Variants in GRIK5 observed in about 807,000 individuals in gnomAD.
GRIK5 encodes glutamate ionotropic receptor kainate type subunit 5.
GRIK5 carries 43 observed loss-of-function variants against 97.4 expected under a neutral mutation model. The ratio of observed to expected loss-of-function variants is 0.44; its 90% CI spans 0.35 to 0.57. GRIK5 has a LOEUF of 0.57. Ranked by LOEUF, GRIK5 falls within the 20% of genes least tolerant of loss-of-function variation. The pLI, the probability that GRIK5 is intolerant of heterozygous loss-of-function variation, is 0.01. For synonymous variants in GRIK5, 580 were observed against 583.5 expected, an observed-to-expected ratio of 0.99 and a Z score of 0.09; for missense variants, 1,015 against 1,382.0, an observed-to-expected ratio of 0.73 and a Z score of 4.21.
rs2076393406 is a variant in GRIK5, at chr19:42,069,492, G to C, written c.-302C>G. The C allele has an allele frequency of 6.6e-6, 1 of 150,508 alleles. No individual in the cohort carries two copies. The highest frequency in any genetic ancestry group is 2.5e-5 in the African/African-American group (1 of 40,728). The allele number at this position is 150,508 out of a possible 1,614,324, so 9.3% of individuals were successfully genotyped here. ...AGGGGAAAGGAGAAAATGGAGGAGA[G>C]AAGGGGAGAGAGGAGAGGGGGAAGG... On this transcript the variant is annotated 5_prime_UTR_variant, in exon 1 of 20. Transcript: ENST00000593562.
At chr19:42,043,089 G>A (rs144539356) in intron 11 of GRIK5, among the ~76,000 whole-genome samples, 6 of 152,262 alleles carry the variant, frequency 3.9e-5, no homozygotes, top group East Asian at 3.9e-4. Context: ...TGCCAAAGTG[G>A]ATCAGGGGCT....
intron 15 of GRIK5, among the ~76,000 whole-genome samples, chr19:42,012,435 G>C (rs1568886773): frequency 6.6e-6 from 1 of 152,072 alleles, no homozygotes; most frequent in Non-Finnish European, 1.5e-5. Context: ...TATTTTAGTA[G>C]AGATGGGGTT....
chr19:42,003,182 G>T lies in GRIK5; in HGVS notation c.2514+150C>A, dbSNP rs1568877991. 1.5e-6 allele frequency: 1 copy of T among 685,744 alleles called. No individual in the cohort carries two copies. The highest frequency in any genetic ancestry group is 2.5e-6 in the Non-Finnish European group (1 of 402,824). The allele number at this position is 685,744 out of a possible 1,614,324, so 42.5% of individuals were successfully genotyped here. On this transcript the variant is annotated intron_variant, in intron 19 of 19. Transcript: ENST00000593562. This position sits in a 1 kb window ranked among gnomAD's most constrained non-coding sequence, Gnocchi z 4.2. ...ACGCGCTGATTCTCTGGCCCCATCA[G>T]CTCTCTTACTTCCCCACCTCCTGCA... is the stretch of plus-strand genomic sequence containing the variant.
At chr19:42,068,192 C>T (rs905465031) in intron 1 of GRIK5, among the ~76,000 whole-genome samples, 1 of 151,944 alleles carries the variant, frequency 6.6e-6, no homozygotes, top group African/African-American at 2.4e-5. Context: ...GGGAGGGAAA[C>T]TGAGGTGGGG....
chr19:42,034,819 C>T (rs186870105), intron 12 of GRIK5, among the ~76,000 whole-genome samples: 7 of 146,346 alleles, frequency 4.8e-5, no homozygotes, highest in African/African-American at 1.8e-4. Flanking sequence ...ATATATCATA[C>T]GCTGTCAGTT....
rs749204366 is a variant in GRIK5, at chr19:42,065,792, A to G, written c.-22T>C. On this transcript the variant is annotated 5_prime_UTR_variant, in exon 2 of 20. Transcript: ENST00000593562. This position sits in a 1 kb window ranked among gnomAD's most constrained non-coding sequence, Gnocchi z 5.8. Reference sequence around the variant, plus strand: ...GCATCTTCCTCCCCTCCTCATGGGGACGCAGCTGCCGCGGCCCCCACTCGC... The same window carrying G: ...GCATCTTCCTCCCCTCCTCATGGGGGCGCAGCTGCCGCGGCCCCCACTCGC... 1 of 1,549,840 alleles carries G rather than the reference A, an allele frequency of 6.5e-7. No homozygotes were observed. Among genetic ancestry groups the G allele is most frequent in the South Asian group, 1.2e-5 (1 of 84,606 alleles).
chr19:42,065,884 C>T lies in GRIK5; in HGVS notation c.-50-64G>A. On this transcript the variant is annotated intron_variant, in intron 1 of 19. Coordinates refer to ENST00000593562, the MANE Select transcript of GRIK5 (RefSeq NM_002088.5). This position sits in a 1 kb window ranked among gnomAD's most constrained non-coding sequence, Gnocchi z 5.8. ...GTGGTGGGATGGAACCCCTTGGAGGCCTGCTGGATGGGGTGGTCACAGAAG... is the reference window on the plus strand; with the variant it reads ...GTGGTGGGATGGAACCCCTTGGAGGTCTGCTGGATGGGGTGGTCACAGAAG... The T allele has an allele frequency of 3.7e-6, 3 of 815,226 alleles. No homozygotes were observed. The highest frequency in any genetic ancestry group is 3.1e-5 in the South Asian group (2 of 63,912). The allele number at this position is 815,226 out of a possible 1,614,324, so 50.5% of individuals were successfully genotyped here.
chr19:42,044,531 T>TA (rs2076019576), intron 11 of GRIK5, among the ~76,000 whole-genome samples: 1 of 152,212 alleles, frequency 6.6e-6, no homozygotes, highest in South Asian at 2.1e-4. Flanking sequence ...GTGATGATGG[T>TA]AACAAATGGG....
At chr19:42,068,811 C>T in intron 1 of GRIK5, 2 of 616,806 alleles carry the variant, frequency 3.2e-6, no homozygotes, top group Non-Finnish European at 5.9e-6. Context: ...AGCGGAAAGA[C>T]ATATCCAGGA....
intron 11 of GRIK5, among the ~76,000 whole-genome samples, chr19:42,045,601 C>T (rs2076033719): frequency 6.6e-6 from 1 of 152,180 alleles, no homozygotes; most frequent in African/African-American, 2.4e-5. Flanking sequence ...AGGCTCTGGA[C>T]TCCAGGACCC....
In GRIK5 at chr19:41,998,967, C is replaced by A; in HGVS notation, c.2847G>T (p.Ala949=). 8.6e-7 allele frequency: 1 copy of A among 1,157,868 alleles called. No homozygotes were observed. The allele number at this position is 1,157,868 out of a possible 1,614,324, so 71.7% of individuals were successfully genotyped here. A position where few individuals can be genotyped will look rare whatever the true frequency, so the allele number is the denominator to read the frequency against. ...CGGGGACGCCCAGGCCACGCGGAGG[C>A]GCGCCGGCCCCCGAGGCCCGCAGCG... ...IQALRASGAG[A]PPRGLGVPAE... Residue 949 remains alanine (A), a synonymous_variant, in exon 20 of 20, where the codon GCG becomes GCT. Transcript: ENST00000593562.
chr19:42,021,463 T>G lies in GRIK5; in HGVS notation c.1709A>C (p.Tyr570Ser), dbSNP rs748586765. ...GCATGGGTGTGGGTTATACCACTCA[T>G]AGGGGCTCAGCCTGTGGAGAGACGT... is the stretch of plus-strand genomic sequence containing the variant. The part of the protein sequence containing the change: ...VLFLAARLSP[Y>S]EWYNPHPCLR... Residue 570 changes from tyrosine (Y) to serine (S), a missense_variant, in exon 15 of 20, where the codon TAT becomes TCT. Tyr to Ser is a moderately radical substitution (Grantham distance 144, BLOSUM62 -2). This residue lies in a region of GRIK5 where 477 missense variants were observed against 701.1 expected (regional missense o/e 0.68). Transcript: ENST00000593562. This position sits in a 1 kb window ranked among gnomAD's most constrained non-coding sequence, Gnocchi z 4.2. The G allele has an allele frequency of 1.9e-6, 3 of 1,574,492 alleles. No individual in the cohort carries two copies. The highest frequency in any genetic ancestry group is 2.3e-5 in the South Asian group (2 of 86,246).
At chr19:42,018,149 T>TAAAA (rs11452086) in intron 15 of GRIK5, among the ~76,000 whole-genome samples, 22 of 62,720 alleles carry the variant, frequency 3.5e-4, no homozygotes, top group Admixed American at 1.1e-3. Flanking sequence ...CCATCTCTAC[T>TAAAA]AAAAAAAAAA....
chr19:42,042,473 G>A lies in GRIK5; in HGVS notation c.1473+79C>T, dbSNP rs1308088508. On this transcript the variant is annotated intron_variant, in intron 12 of 19. Coordinates refer to ENST00000593562, the MANE Select transcript of GRIK5 (RefSeq NM_002088.5). This position sits in a 1 kb window ranked among gnomAD's most constrained non-coding sequence, Gnocchi z 6.9. ...TGCCACCAGCCAGGCTGCTTCTGAG[G>A]TTCGACTGGCTGCCCAGCTGCCCGC... 7.7e-7 allele frequency: 1 copy of A among 1,304,832 alleles called. No homozygotes were observed. The allele number at this position is 1,304,832 out of a possible 1,614,324, so 80.8% of individuals were successfully genotyped here.
chr19:42,030,084 C>T (rs2075823373), intron 12 of GRIK5, among the ~76,000 whole-genome samples: 1 of 152,214 alleles, frequency 6.6e-6, no homozygotes, highest in Non-Finnish European at 1.5e-5. Context: ...TGGTTAACAA[C>T]TTTACATTTA....
intron 15 of GRIK5, among the ~76,000 whole-genome samples, chr19:42,011,823 A>C (rs2075566187): frequency 6.6e-6 from 1 of 152,044 alleles, no homozygotes; most frequent in Non-Finnish European, 1.5e-5. Flanking sequence ...AAATTTAAAA[A>C]ATTAGCTGGG....
intron 15 of GRIK5, among the ~76,000 whole-genome samples, chr19:42,020,885 T>TTTTA (rs1310259358): frequency 3.3e-5 from 5 of 152,162 alleles, no homozygotes; most frequent in Admixed American, 6.5e-5. Context: ...GTAGTCATTC[T>TTTTA]TTTATTTATT....
rs148529215 is a variant in GRIK5, at chr19:42,062,143, G to A, written c.508+345C>T. On this transcript the variant is annotated intron_variant, in intron 5 of 19. Transcript: ENST00000593562. This position sits in a 1 kb window ranked among gnomAD's most constrained non-coding sequence, Gnocchi z 5.3. ...TCCTATGTGATACCAGAGGCTCCAC[G>A]TGCCTCCTGGCAGCACACATACCAC... Among the ~76,000 whole-genome samples, 8 of 152,254 alleles carry A rather than the reference G, an allele frequency of 5.3e-5. No individual in the cohort carries two copies. Among genetic ancestry groups the A allele is most frequent in the African/African-American group, 1.7e-4 (7 of 41,546 alleles).
chr19:42,063,014 C>T (rs2076281844), intron 3 of GRIK5, among the ~76,000 whole-genome samples, 159 bp from the exon 4 acceptor site: 1 of 152,186 alleles, frequency 6.6e-6, no homozygotes, highest in Non-Finnish European at 1.5e-5. Context: ...TCTCTGACCC[C>T]ACCCAACAAG....
Sources: gnomAD v4.1 joint callset for allele counts (sites outside exome capture counted in the v4.1 genomes callset) on GRCh38, gnomAD v4.1.1 for gene constraint, gnomAD v4.1.1 regional missense constraint, Gnocchi (gnomAD v3.1) non-coding constraint, MANE v1.5 for transcripts, NCBI Gene and HGNC (gene_info 2026-07-23, HGNC 2026-07-21) for gene names.